VEPH1: variants seen among roughly 807,000 people sequenced by gnomAD.
The protein encoded by VEPH1 is ventricular zone expressed PH domain containing 1.
In VEPH1, 80 loss-of-function variants were observed where a neutral mutation model predicts 85.2. The observed-to-expected ratio is 0.94, with a 90% CI of 0.78 to 1.13. The LOEUF (loss-of-function observed/expected upper bound fraction) is 1.13. Ranked by LOEUF, VEPH1 falls within the 50% of genes most tolerant of loss-of-function variation. The pLI is 0.00. For synonymous variants in VEPH1, 297 were observed against 348.0 expected, an observed-to-expected ratio of 0.85 and a Z score of 1.63; for missense variants, 955 against 980.5, an observed-to-expected ratio of 0.97 and a Z score of 0.35.
At chr3:157,263,774 G>C (rs1713238535) in intron 13 of VEPH1, among the ~76,000 whole-genome samples, 1 of 152,128 alleles carries the variant, frequency 6.6e-6, no homozygotes, top group Admixed American at 6.5e-5. Context: ...AAGAGCACTG[G>C]TCAGAATACA....
intron 4 of VEPH1, among the ~76,000 whole-genome samples, chr3:157,455,234 C>A (rs995856346): frequency 6.6e-6 from 1 of 152,198 alleles, no homozygotes; most frequent in Non-Finnish European, 1.5e-5. Context: ...GTTCTCTTTT[C>A]TCTGCAGCCT....
intron 12 of VEPH1, among the ~76,000 whole-genome samples, chr3:157,280,840 A>G (rs1307204340): frequency 1.3e-5 from 2 of 152,244 alleles, no homozygotes; most frequent in East Asian, 3.8e-4. Context: ...TAAGTGATTA[A>G]TGAATTTCTC....
At chr3:157,418,639 CT>C (rs1177044959) in intron 5 of VEPH1, among the ~76,000 whole-genome samples, 3 of 152,090 alleles carry the variant, frequency 2.0e-5, no homozygotes, top group Non-Finnish European at 4.4e-5. Context: ...AGTGAAGGAC[CT>C]CTTTAAGCAG....
At chr3:157,401,037 A>G (rs928029253) in intron 6 of VEPH1, among the ~76,000 whole-genome samples, 1 of 152,168 alleles carries the variant, frequency 6.6e-6, no homozygotes, top group African/African-American at 2.4e-5. Context: ...TGCTTCAATT[A>G]AACAAACTTT....
At chr3:157,442,292 A>G in intron 4 of VEPH1, 2 of 1,304,004 alleles carry the variant, frequency 1.5e-6, no homozygotes, top group African/African-American at 3.0e-5. Flanking sequence ...CTTATGTTAA[A>G]TAACTAATGC....
rs554975128 is a variant in VEPH1, at chr3:157,488,619, GCACT to G, written c.138+6589_138+6592del. Reference sequence around the variant, plus strand: ...TCTTTGGACTTTTTACTTTCTGTCTGCACTCACTCCCTTGGTGATCTCGCTCAGT... The same window carrying G: ...TCTTTGGACTTTTTACTTTCTGTCTGCACTCCCTTGGTGATCTCGCTCAGT... On this transcript the variant is annotated intron_variant, in intron 2 of 13. Transcript: ENST00000362010. Among the ~76,000 whole-genome samples, 329 of 147,926 alleles carry G rather than the reference GCACT, an allele frequency of 2.2e-3. 1 individual carries two copies. Among genetic ancestry groups the G allele is most frequent in the East Asian group, 2.4e-3 (12 of 4,988 alleles).
chr3:157,352,867 G>A (rs1273500089), intron 9 of VEPH1, among the ~76,000 whole-genome samples: 1 of 152,158 alleles, frequency 6.6e-6, no homozygotes, highest in Non-Finnish European at 1.5e-5. Context: ...CATTCTTCAG[G>A]AAGGCTAGTG....
At position 157,304,901 on chromosome 3, in the gene VEPH1, A is replaced by AAT. The variant is rs760329922; in HGVS notation, c.2010+8718_2010+8719dup. Reference sequence around the variant, plus strand: ...TTATAAAAGTAATTTTGTACCCTGAAATATGGTATTTACTGTAAGTGTGTT... The same window carrying AAT: ...TTATAAAAGTAATTTTGTACCCTGAAATATATGGTATTTACTGTAAGTGTGTT... On this transcript the variant is annotated intron_variant, in intron 11 of 13. Coordinates refer to ENST00000362010, the MANE Select transcript of VEPH1 (RefSeq NM_001167912.2). 1.1e-3 allele frequency among the ~76,000 whole-genome samples: 160 copies of AAT among 152,144 alleles called. 1 individual carries two copies. Among genetic ancestry groups the AAT allele is most frequent in the Middle Eastern group, 6.8e-3 (2 of 294 alleles).
intron 9 of VEPH1, among the ~76,000 whole-genome samples, chr3:157,348,191 C>T (rs969500087): frequency 6.6e-6 from 1 of 152,104 alleles, no homozygotes; most frequent in Non-Finnish European, 1.5e-5. Context: ...CCACTGTGTG[C>T]CTGCCCCCAA....
intron 7 of VEPH1, among the ~76,000 whole-genome samples, chr3:157,371,364 C>T (rs73018252): frequency 1.5e-3 from 222 of 152,328 alleles, no homozygotes; most frequent in African/African-American, 5.1e-3. Flanking sequence ...GGAAGGGACA[C>T]TTCTAATTCA....
At chr3:157,297,660 A>G (rs1344523303) in intron 11 of VEPH1, among the ~76,000 whole-genome samples, 1 of 152,164 alleles carries the variant, frequency 6.6e-6, no homozygotes, top group Non-Finnish European at 1.5e-5. Context: ...TATGTGCATG[A>G]TGAGGATGTG....
At chr3:157,411,614 T>C (rs571791437) in intron 6 of VEPH1, among the ~76,000 whole-genome samples, 5 of 152,176 alleles carry the variant, frequency 3.3e-5, no homozygotes, top group African/African-American at 1.2e-4. Flanking sequence ...AGACTGACAT[T>C]ATTTAAAAGC....
rs115249092 is a variant in VEPH1, at chr3:157,296,872, T to C, written c.2011-10198A>G. ...TGCTTTTAATGCACTCCTCAAACTA[T>C]AAAATGACTTTGATTCCTAACCTGT... On this transcript the variant is annotated intron_variant, in intron 11 of 13. Coordinates refer to ENST00000362010, the MANE Select transcript of VEPH1 (RefSeq NM_001167912.2). Among the ~76,000 whole-genome samples, 585 of 152,370 alleles carry C rather than the reference T, an allele frequency of 3.8e-3. 3 individuals carry two copies. Among genetic ancestry groups the C allele is most frequent in the African/African-American group, 0.014 (571 of 41,596 alleles).
chr3:157,469,932 C>G (rs1018413521), intron 3 of VEPH1, among the ~76,000 whole-genome samples: 2 of 152,222 alleles, frequency 1.3e-5, no homozygotes, highest in Non-Finnish European at 2.9e-5. Flanking sequence ...CCCGAGCGCA[C>G]TGCCCCTCAG....
intron 11 of VEPH1, among the ~76,000 whole-genome samples, chr3:157,304,018 ATTT>A (rs373193825): frequency 1.7e-4 from 11 of 64,850 alleles, no homozygotes; most frequent in South Asian, 6.1e-4. Context: ...CTCATCTTAT[ATTT>A]TTTATATATA....
rs147873024 is a variant in VEPH1 at position 157,345,431 on chromosome 3, G to T, written c.1735+17933C>A. On this transcript the variant is annotated intron_variant, in intron 9 of 13. Coordinates refer to ENST00000362010, the MANE Select transcript of VEPH1 (RefSeq NM_001167912.2). Reference sequence around the variant, plus strand: ...GTAGCCAACAGACACATGGAAAAATGTTCATCATCACTGGCCATCAGAGAA... The same window carrying T: ...GTAGCCAACAGACACATGGAAAAATTTTCATCATCACTGGCCATCAGAGAA... Among the ~76,000 whole-genome samples the T allele has an allele frequency of 6.1e-3, 930 of 152,304 alleles. 16 individuals carry two copies. The highest frequency in any genetic ancestry group is 0.021 in the African/African-American group (879 of 41,556).
chr3:157,364,361 T>C lies in VEPH1; in HGVS notation c.1279A>G (p.Arg427Gly), dbSNP rs1445173290. 3 of 1,613,906 alleles carry C rather than the reference T, an allele frequency of 1.9e-6. No homozygotes were observed. Among genetic ancestry groups the C allele is most frequent in the Non-Finnish European group, 2.5e-6 (3 of 1,179,966 alleles). ...GAAACTTGGCCCAGACTATATCTTC[T>C]GATAGAGCCAGGGGTATTGCTCCCT... ...NAGSNTPGSI[R>G]RYSLGQVSKE... is the part of the protein sequence containing the mutation. Residue 427 changes from arginine (R) to glycine (G), a missense_variant, in exon 8 of 14, where the codon AGA becomes GGA. Physicochemically the swap from Arg to Gly is moderately radical, Grantham distance 125 (BLOSUM62 -2). Transcript: ENST00000362010.
rs1724625134 is a variant in VEPH1, at chr3:157,349,636, A to T, written c.1735+13728T>A. ...ATGATCATATATATAGAAAAACCTAAAGATGCTACCAAAAAACTCTAAGAA... is the reference window on the plus strand; with the variant it reads ...ATGATCATATATATAGAAAAACCTATAGATGCTACCAAAAAACTCTAAGAA... On this transcript the variant is annotated intron_variant, in intron 9 of 13. Coordinates refer to ENST00000362010, the MANE Select transcript of VEPH1 (RefSeq NM_001167912.2). Among the ~76,000 whole-genome samples the T allele has an allele frequency of 3.3e-5, 5 of 152,314 alleles. No homozygotes were observed. In the South Asian group the frequency reaches 1.0e-3, roughly 32 times the overall value.
intron 1 of VEPH1, among the ~76,000 whole-genome samples, chr3:157,501,175 A>G (rs1740066665): frequency 6.6e-6 from 1 of 152,174 alleles, no homozygotes; most frequent in Non-Finnish European, 1.5e-5. Context: ...AGCCATATTT[A>G]TATCTTTGTT....
Sources: allele counts gnomAD v4.1 joint callset (sites outside exome capture counted in the v4.1 genomes callset), GRCh38; gene constraint gnomAD v4.1.1; transcripts MANE v1.5; gene names NCBI Gene and HGNC (gene_info 2026-07-23, HGNC 2026-07-21).